Variants in CCDC141 observed in about 807,000 individuals in gnomAD.
CCDC141 encodes the protein coiled-coil domain containing 141.
CCDC141 carries 168 observed loss-of-function variants against 181.0 expected under a neutral mutation model. The observed-to-expected ratio is 0.93, with a 90% CI of 0.82 to 1.05. CCDC141 has a LOEUF of 1.05. Ranked by LOEUF, CCDC141 falls within the 50% of genes least tolerant of loss-of-function variation. The probability of loss-of-function intolerance (pLI) is 0.00; values close to 1 mark genes in which losing one functional copy is unlikely to be tolerated. For synonymous variants in CCDC141, 666 were observed against 642.3 expected (o/e 1.04, Z -0.56); for missense variants, 1,902 against 1,788.5 (o/e 1.06, Z -1.14).
At chr2:178,942,292 C>A (rs537788426) in intron 6 of CCDC141, among the ~76,000 whole-genome samples, 4 of 152,098 alleles carry the variant, frequency 2.6e-5, no homozygotes, top group Non-Finnish European at 5.9e-5. Flanking sequence ...CTATGTCATG[C>A]AGGCTTGTCT....
Position 178,831,259 on chromosome 2 carries a change from C to G in CCDC141, c.*2914G>C, listed in dbSNP as rs1158186805. Reference sequence around the variant, plus strand: ...TTTATACATCCTTTTATTGGAAAATCAAAGCTGGAAAACTCAATGATTTTG... The same window carrying G: ...TTTATACATCCTTTTATTGGAAAATGAAAGCTGGAAAACTCAATGATTTTG... On this transcript the variant is annotated 3_prime_UTR_variant, in exon 24 of 24. Transcript: ENST00000443758. 1.3e-5 allele frequency: 2 copies of G among 152,146 alleles called. No individual in the cohort carries two copies. Among genetic ancestry groups the G allele is most frequent in the African/African-American group, 2.4e-5 (1 of 41,444 alleles). The allele number at this position is 152,146 out of a possible 1,614,324, so 9.4% of individuals were successfully genotyped here. A position where few individuals can be genotyped will look rare whatever the true frequency, so the allele number is the denominator to read the frequency against.
Position 178,944,523 on chromosome 2 carries a change from T to C in CCDC141, c.897+12A>G, listed in dbSNP as rs747115879. ...TTTCAATTATTTTTAGTGTGTCTAA[T>C]ATATCTCTTACCTTTGCTTTTATTA... is the stretch of plus-strand genomic sequence containing the variant. On this transcript the variant is annotated intron_variant, in intron 6 of 23. Transcript: ENST00000443758. The C allele has an allele frequency of 2.3e-6, 3 of 1,318,350 alleles. No individual in the cohort carries two copies. The South Asian group carries it at 4.3e-5, about 19-fold the overall frequency. 81.7% of individuals were successfully genotyped at this position (1,318,350 alleles called of 1,614,324 possible). A position where few individuals can be genotyped will look rare whatever the true frequency, so the allele number is the denominator to read the frequency against.
chr2:178,886,893 G>GGCA (rs1686912599), intron 9 of CCDC141, 22 bp from the exon 10 acceptor site: 5 of 1,329,124 alleles, frequency 3.8e-6, no homozygotes, highest in Non-Finnish European at 3.9e-6. Context: ...AATAATATAT[G>GGCA]GCAGTCTTAG....
At chr2:178,839,651 T>C (rs1684644282) in intron 22 of CCDC141, among the ~76,000 whole-genome samples, 1 of 150,412 alleles carries the variant, frequency 6.6e-6, no homozygotes, top group African/African-American at 2.4e-5. Context: ...ATGTTGCTTC[T>C]ACTATCCCAC....
In CCDC141 at chr2:179,015,486, T is replaced by TCA. The variant is rs1188648720; in HGVS notation, c.225+31796_225+31797dup. Among the ~76,000 whole-genome samples the TCA allele has an allele frequency of 2.3e-3, 56 of 24,700 alleles. 2 individuals are homozygous for TCA. In the East Asian group the frequency reaches 0.078, roughly 34 times the overall value. The allele number at this position is 24,700 out of a possible 152,430, so 16.2% of individuals were successfully genotyped here. ...ATATCTCATATATGTGCCATATATA[T>TCA]CATATATGTGCCATATATATCATAT... On this transcript the variant is annotated intron_variant, in intron 2 of 23. Coordinates refer to ENST00000443758, the MANE Select transcript of CCDC141 (RefSeq NM_173648.4).
chr2:178,858,027 T>C (rs1685458448), intron 17 of CCDC141, among the ~76,000 whole-genome samples: 1 of 152,186 alleles, frequency 6.6e-6, no homozygotes, highest in African/African-American at 2.4e-5. Context: ...GATAGAATTT[T>C]TGCATCTGAT....
intron 6 of CCDC141, among the ~76,000 whole-genome samples, chr2:178,928,454 T>G (rs1166691858): frequency 6.6e-6 from 1 of 152,196 alleles, no homozygotes; most frequent in Non-Finnish European, 1.5e-5. Flanking sequence ...TGGATTCAAT[T>G]TCACTCTTAT....
At chr2:178,988,695 T>C (rs1169415342) in intron 2 of CCDC141, among the ~76,000 whole-genome samples, 1 of 152,172 alleles carries the variant, frequency 6.6e-6, no homozygotes, top group Non-Finnish European at 1.5e-5. Flanking sequence ...GGGATCATAA[T>C]AGTCAAAACA....
At chr2:178,835,502 T>G (rs1397855853) in intron 23 of CCDC141, among the ~76,000 whole-genome samples, 2 of 152,222 alleles carry the variant, frequency 1.3e-5, no homozygotes, top group Non-Finnish European at 2.9e-5. Context: ...ATGACAAATG[T>G]GAATCGTTTT....
At chr2:178,896,938 T>C (rs144331052) in intron 8 of CCDC141, among the ~76,000 whole-genome samples, 410 of 152,072 alleles carry the variant, frequency 2.7e-3, no homozygotes, top group African/African-American at 9.5e-3. Flanking sequence ...CCTCACTTTG[T>C]AGTCTTGTCT....
intron 12 of CCDC141, chr2:178,875,842 C>T (rs1686335069): frequency 1.3e-5 from 2 of 152,108 alleles, no homozygotes; most frequent in Admixed American, 1.3e-4. Context: ...TTAGGTAAAT[C>T]AGAAACATAC....
chr2:178,943,936 G>A (rs1689624798), intron 6 of CCDC141, among the ~76,000 whole-genome samples: 1 of 152,098 alleles, frequency 6.6e-6, no homozygotes, highest in South Asian at 2.1e-4. Context: ...GTAAAACTGA[G>A]AAATCTGAAG....
intron 6 of CCDC141, among the ~76,000 whole-genome samples, chr2:178,927,024 A>C (rs1327695553): frequency 6.6e-6 from 1 of 152,158 alleles, no homozygotes; most frequent in African/African-American, 2.4e-5. Flanking sequence ...CTTCCTTGTA[A>C]AATTTGTGTA....
At chr2:178,950,232 CA>C (rs1689897360) in intron 5 of CCDC141, among the ~76,000 whole-genome samples, 1 of 152,224 alleles carries the variant, frequency 6.6e-6, no homozygotes, top group Admixed American at 6.5e-5. Flanking sequence ...TTACCAAAAA[CA>C]CACACATATA....
chr2:179,043,121 G>GA (rs1292406725), intron 2 of CCDC141, among the ~76,000 whole-genome samples: 3 of 152,002 alleles, frequency 2.0e-5, no homozygotes, highest in Non-Finnish European at 2.9e-5. Flanking sequence ...AGAAAATCTA[G>GA]AAAAAATGAA....
intron 2 of CCDC141, among the ~76,000 whole-genome samples, chr2:179,004,899 T>G (rs1553501054): frequency 2.0e-5 from 3 of 152,102 alleles, no homozygotes; most frequent in Non-Finnish European, 1.5e-5. Context: ...GCCTGACTAA[T>G]TTTTGTATTT....
intron 2 of CCDC141, among the ~76,000 whole-genome samples, chr2:179,011,730 A>C (rs1186927301): frequency 6.6e-6 from 1 of 152,188 alleles, no homozygotes; most frequent in Non-Finnish European, 1.5e-5. Flanking sequence ...AGGCCATAAA[A>C]CGAGCCTTAA....
chr2:179,000,283 A>G (rs866681463), intron 2 of CCDC141, among the ~76,000 whole-genome samples: 12 of 152,208 alleles, frequency 7.9e-5, no homozygotes, highest in Middle Eastern at 3.2e-3. Context: ...TCAAATTTCA[A>G]TGTCCATAAT....
At chr2:178,978,394 C>T in intron 3 of CCDC141, 90 bp downstream of exon 3, 1 of 822,574 alleles carries the variant, frequency 1.2e-6, no homozygotes, top group Non-Finnish European at 1.7e-6. Context: ...TAACTGCTTG[C>T]AATGTCTATT....
Sources: allele counts gnomAD v4.1 joint callset (sites outside exome capture counted in the v4.1 genomes callset), GRCh38; gene constraint gnomAD v4.1.1; transcripts MANE v1.5; gene names NCBI Gene and HGNC (gene_info 2026-07-23, HGNC 2026-07-21).